The following ITGA11 variants were observed in gnomAD, a reference collection of about 807,000 sequenced individuals.
ITGA11 encodes integrin alpha-11.
A neutral mutation model predicts 141.9 loss-of-function variants in ITGA11; 97 were observed. The observed-to-expected ratio is 0.68, with a 90% CI of 0.58 to 0.81. The LOEUF (loss-of-function observed/expected upper bound fraction) is 0.81, where lower values mean the gene tolerates loss of function less well. Among genes scored for constraint, ITGA11 ranks in the 30% least tolerant of loss-of-function variants. ITGA11 has a pLI of 0.00. For synonymous variants in ITGA11, 658 were observed against 624.6 expected (o/e 1.05, Z -0.80); for missense variants, 1,387 against 1,559.2 (o/e 0.89, Z 1.86).
At chr15:68,316,612 TC>T (rs1893587029) in intron 21 of ITGA11, among the ~76,000 whole-genome samples, 1 of 152,130 alleles carries the variant, frequency 6.6e-6, no homozygotes, top group Non-Finnish European at 1.5e-5. Context: ...TCATCCCCAC[TC>T]CCATTTCTTT....
In ITGA11 at chr15:68,298,479, A is replaced by G. The variant is rs1892955452; in HGVS notation, c.*4580T>C. ...TCTGCACAAAATTAAAAAAAAAATT[A>G]GCTGGGCATGGTGGTGCATGTCTGT... On this transcript the variant is annotated 3_prime_UTR_variant, in exon 30 of 30. Coordinates refer to ENST00000315757, the MANE Select transcript of ITGA11 (RefSeq NM_001004439.2). The G allele has an allele frequency of 6.6e-6, 1 of 152,096 alleles. No homozygotes were observed. Among genetic ancestry groups the G allele is most frequent in the South Asian group, 2.1e-4 (1 of 4,826 alleles). 9.4% of individuals were successfully genotyped at this position (152,096 alleles called of 1,614,324 possible). A position where few individuals can be genotyped will look rare whatever the true frequency, so the allele number is the denominator to read the frequency against.
At chr15:68,377,777 C>T (rs1895764728) in intron 2 of ITGA11, among the ~76,000 whole-genome samples, 1 of 152,126 alleles carries the variant, frequency 6.6e-6, no homozygotes, top group Non-Finnish European at 1.5e-5. Context: ...CTATCAATGC[C>T]CCCGTTGGAC....
chr15:68,378,780 C>T (rs1216580861), intron 2 of ITGA11, among the ~76,000 whole-genome samples: 3 of 152,232 alleles, frequency 2.0e-5, no homozygotes, highest in Admixed American at 6.5e-5. Context: ...GATGGCTGGA[C>T]ATAGAGGCGG....
Position 68,328,121 on chromosome 15 carries a change from TGCC to T in ITGA11, c.2040_2042del (p.Ala681del), listed in dbSNP as rs1485230075. ...CAACAGTTGTTGTTTGGAAATGGGG[TGCC>T]AGGAAGATGGGCGTGAAGCAGAGGA... On this transcript the variant is annotated inframe_deletion, in exon 16 of 30. Transcript: ENST00000315757. This position sits in a 1 kb window ranked among gnomAD's most constrained non-coding sequence, Gnocchi z 4.8. 13 of 1,613,608 alleles carry T rather than the reference TGCC, an allele frequency of 8.1e-6. No individual in the cohort carries two copies. Among genetic ancestry groups the T allele is most frequent in the Non-Finnish European group, 1.1e-5 (13 of 1,179,822 alleles).
At chr15:68,354,584 C>T (rs1045434331) in intron 7 of ITGA11, among the ~76,000 whole-genome samples, 1 of 152,220 alleles carries the variant, frequency 6.6e-6, no homozygotes, top group Admixed American at 6.5e-5. Context: ...TCCCTCTCCT[C>T]TGCTGTTCTC....
At chr15:68,334,531 CT>C (rs1468473763) in intron 12 of ITGA11, among the ~76,000 whole-genome samples, 2 of 151,602 alleles carry the variant, frequency 1.3e-5, no homozygotes, top group African/African-American at 2.4e-5. Flanking sequence ...AAGCTTTTAA[CT>C]GAGGAGAAGG....
At chr15:68,431,776 A>G (rs1260031645) in intron 1 of ITGA11, among the ~76,000 whole-genome samples, 2 of 152,010 alleles carry the variant, frequency 1.3e-5, no homozygotes, top group Non-Finnish European at 2.9e-5. Context: ...AGCCTCTTCA[A>G]CTCTTCCCAA....
chr15:68,416,665 C>T (rs758078136), intron 1 of ITGA11, among the ~76,000 whole-genome samples: 1 of 152,160 alleles, frequency 6.6e-6, no homozygotes. Context: ...GTGGCTCACA[C>T]CTATAATCCT....
At chr15:68,401,180 G>A (rs536867654) in intron 2 of ITGA11, among the ~76,000 whole-genome samples, 1 of 151,398 alleles carries the variant, frequency 6.6e-6, no homozygotes, top group South Asian at 2.1e-4. Context: ...CAACTAGAAT[G>A]ACTAAAATTA....
intron 21 of ITGA11, among the ~76,000 whole-genome samples, chr15:68,316,343 G>A (rs564015646): frequency 3.9e-5 from 6 of 152,304 alleles, no homozygotes; most frequent in East Asian, 3.9e-4. Context: ...GACCCTCCTC[G>A]CCTCCTCCCT....
intron 1 of ITGA11, among the ~76,000 whole-genome samples, chr15:68,415,336 A>T (rs1009521793): frequency 6.6e-6 from 1 of 152,228 alleles, no homozygotes; most frequent in Non-Finnish European, 1.5e-5. Flanking sequence ...GTGTCTTCTG[A>T]TGGAGTCTAG....
At chr15:68,319,784 C>A (rs11853855) in intron 20 of ITGA11, among the ~76,000 whole-genome samples, 1,654 of 152,212 alleles carry the variant, frequency 0.011, 21 homozygotes, top group African/African-American at 0.035. Context: ...GGCTCAGACT[C>A]CCCTAGTGCC....
chr15:68,329,474 G>T (rs754714595), intron 15 of ITGA11, among the ~76,000 whole-genome samples: 8 of 152,218 alleles, frequency 5.3e-5, no homozygotes. Flanking sequence ...TTCCCAGAGG[G>T]CTCTCGCCCG....
At chr15:68,318,709 CTGTG>C (rs1440603732) in intron 20 of ITGA11, among the ~76,000 whole-genome samples, 1 of 151,886 alleles carries the variant, frequency 6.6e-6, no homozygotes, top group African/African-American at 2.4e-5. Context: ...GGAACTGCTC[CTGTG>C]TGTGTGGCAA....
At chr15:68,420,189 A>T (rs1489867877) in intron 1 of ITGA11, among the ~76,000 whole-genome samples, 1 of 152,184 alleles carries the variant, frequency 6.6e-6, no homozygotes, top group East Asian at 1.9e-4. Context: ...TGATGTCTGA[A>T]TCACTACCCT....
At chr15:68,364,672 T>G in intron 4 of ITGA11, 35 bp downstream of exon 4, 63 of 694,366 alleles carry the variant, frequency 9.1e-5, no homozygotes, top group Middle Eastern at 2.9e-4. Flanking sequence ...CACCCCTGCC[T>G]CTCCTGACCC....
intron 22 of ITGA11, among the ~76,000 whole-genome samples, chr15:68,314,902 T>C (rs953811652): frequency 1.3e-5 from 2 of 152,158 alleles, no homozygotes; most frequent in African/African-American, 4.8e-5. Context: ...ATTTCTTAGC[T>C]AAGGATTTTT....
At position 68,346,152 on chromosome 15, in the gene ITGA11, G is replaced by T. The variant is rs1197936214; in HGVS notation, c.1131+2678C>A. 3.3e-5 allele frequency among the ~76,000 whole-genome samples: 5 copies of T among 152,102 alleles called. No homozygotes were observed. In the East Asian group the frequency reaches 7.7e-4, roughly 23 times the overall value. ...CTAGGGTATATGGGAGAGGCAAGCT[G>T]CATCCCTCTGCCTGGGGAACAGAGA... On this transcript the variant is annotated intron_variant, in intron 10 of 29. Coordinates refer to ENST00000315757, the MANE Select transcript of ITGA11 (RefSeq NM_001004439.2).
chr15:68,305,486 G>A lies in ITGA11; in HGVS notation c.3382-1601C>T, dbSNP rs572820369. On this transcript the variant is annotated intron_variant, in intron 28 of 29. Transcript: ENST00000315757. The surrounding 1 kb of genome is among the most constrained non-coding windows in gnomAD (Gnocchi z 4.6). The stretch of plus-strand genomic sequence containing the variant: ...TGCTCTATCCTCAGAACCTGGAGCC[G>A]TGCCGGGAATGTAGCAGGAGCTCAG... 5.9e-5 allele frequency among the ~76,000 whole-genome samples: 9 copies of A among 152,306 alleles called. 1 individual carries two copies. The South Asian group carries it at 1.0e-3, about 18-fold the overall frequency.
Sources: allele counts gnomAD v4.1 joint callset (sites outside exome capture counted in the v4.1 genomes callset), GRCh38; gene constraint gnomAD v4.1.1; non-coding constraint Gnocchi (gnomAD v3.1); transcripts MANE v1.5; gene names NCBI Gene and HGNC (gene_info 2026-07-23, HGNC 2026-07-21).